SLC26A1: variants seen among roughly 807,000 people sequenced by gnomAD.
SLC26A1 encodes the protein solute carrier family 26 member 1.
SLC26A1 carries 18 observed loss-of-function variants against 14.5 expected under a neutral mutation model. The ratio of observed to expected loss-of-function variants is 1.24; its 90% CI spans 0.86 to 1.84. The LOEUF is 1.84. Ranked by LOEUF, SLC26A1 falls within the 40% of genes most tolerant of loss-of-function variation. The pLI is 0.00. For missense variants in SLC26A1, 1,049 were observed against 1,020.0 expected (o/e 1.03, Z -0.39); for synonymous variants, 505 against 492.0 (o/e 1.03, Z -0.35).
At chr4:987,482 ACCAGGAGTCT>A (rs1489209918), downstream of SLC26A1, among the ~76,000 whole-genome samples, 1 of 152,016 alleles carries the variant, frequency 6.6e-6, no homozygotes, top group African/African-American at 2.4e-5. Flanking sequence ...TTTGAGGTAA[ACCAGGAGTCT>A]CCCCTGGGAG....
rs143284684 is a variant in SLC26A1, at chr4:991,272, G to T, written c.432C>A (p.Ala144=). The T allele has an allele frequency of 6.2e-7, 1 of 1,612,672 alleles. No individual in the cohort carries two copies. The highest frequency in any genetic ancestry group is 1.7e-5 in the Admixed American group (1 of 60,016). ...GGCCGTCCTGGGAGGGGTCAAAGCC[G>T]GCCAGCTGGAGCTCCCGGTCCACCA... The part of the protein sequence containing the change: ...GQVVDRELQL[A]GFDPSQDGLQ... The change falls in exon 2 of 3, where the codon GCC becomes GCA. Residue 144 remains alanine (A), a synonymous_variant. Transcript: ENST00000398516.
rs750953620 is a variant in SLC26A1, at chr4:991,099, C to T, written c.576+29G>A. ...AACCTAAGGGGGGGTGCCCTGGGCC[C>T]CTCCCTGTGCCCAAGCAGGGCTCCT... On this transcript the variant is annotated intron_variant, in intron 2 of 2. Coordinates refer to ENST00000398516, the MANE Select transcript of SLC26A1 (RefSeq NM_022042.4). The T allele has an allele frequency of 1.7e-5, 26 of 1,516,336 alleles. No individual in the cohort carries two copies. The African/African-American group carries it at 3.3e-4, about 19-fold the overall frequency. The allele number at this position is 1,516,336 out of a possible 1,614,324, so 93.9% of individuals were successfully genotyped here.
chr4:982,125 C>A (rs560547301), intron 2 of SLC26A1, among the ~76,000 whole-genome samples: 1 of 152,298 alleles, frequency 6.6e-6, no homozygotes, highest in South Asian at 2.1e-4. Context: ...GGCCCAGTGC[C>A]GTCCACTCTT....
chr4:987,172 C>T (rs896790485), downstream of SLC26A1: 5 of 1,455,006 alleles, frequency 3.4e-6, no homozygotes, highest in Non-Finnish European at 4.5e-6. Flanking sequence ...CGAGGCCCCG[C>T]ACCTGGTGCA....
chr4:987,014 C>A, downstream of SLC26A1: 1 of 1,456,890 alleles, frequency 6.9e-7, no homozygotes. Flanking sequence ...GGGGTGCGCG[C>A]CCAGACTCCG....
chr4:990,478 G>A, intron 2 of SLC26A1, 116 bp from the exon 3 acceptor site: 3 of 1,047,494 alleles, frequency 2.9e-6, no homozygotes, highest in South Asian at 1.7e-5. Context: ...ACAATTCTGT[G>A]TTGCGGCCCC....
intron 2 of SLC26A1, among the ~76,000 whole-genome samples, chr4:980,415 C>T (rs774285910): frequency 1.3e-5 from 2 of 152,066 alleles, no homozygotes; most frequent in Non-Finnish European, 2.9e-5. Flanking sequence ...GTGAAACCCT[C>T]TCTCCACTAA....
chr4:981,132 A>G (rs1023424644), intron 2 of SLC26A1, among the ~76,000 whole-genome samples: 1 of 152,094 alleles, frequency 6.6e-6, no homozygotes, highest in Admixed American at 6.5e-5. Flanking sequence ...GCCGCAGTTC[A>G]CCGCCACCTC....
At chr4:981,095 C>G (rs1270791539) in intron 2 of SLC26A1, among the ~76,000 whole-genome samples, 1 of 152,208 alleles carries the variant, frequency 6.6e-6, no homozygotes. Context: ...CTCTGCTCCA[C>G]TCAGGGCCCG....
Position 988,813 on chromosome 4 carries a change from G to C in SLC26A1, c.*20C>G. The C allele has an allele frequency of 6.5e-7, 1 of 1,544,512 alleles. No individual in the cohort carries two copies. The highest frequency in any genetic ancestry group is 8.7e-7 in the Non-Finnish European group (1 of 1,145,416). ...GGGTCCCCAGGAGGGAGCAGAGGCT[G>C]CTGGGCAGGCCTGGCCCTGCTACAG... On this transcript the variant is annotated 3_prime_UTR_variant, in exon 3 of 3. Coordinates refer to ENST00000398516, the MANE Select transcript of SLC26A1 (RefSeq NM_022042.4).
chr4:985,939 A>C (rs887228415), downstream of SLC26A1, among the ~76,000 whole-genome samples: 1 of 151,812 alleles, frequency 6.6e-6, no homozygotes, highest in Non-Finnish European at 1.5e-5. Context: ...CTTTTTTTAG[A>C]GATGGGGTCT....
At chr4:979,007 A>AT (rs1331963136), downstream of SLC26A1, 6 of 157,394 alleles carry the variant, frequency 3.8e-5, no homozygotes, top group Admixed American at 1.9e-4. Context: ...AAATACCGAG[A>AT]TTTTTTATTC....
rs757152375 is a variant in SLC26A1, at chr4:989,441, T to A, written c.1498A>T (p.Ser500Cys). The A allele has an allele frequency of 3.9e-6, 6 of 1,554,142 alleles. No homozygotes were observed. The African/African-American group carries it at 6.8e-5, about 18-fold the overall frequency. ...LLAGVILSLL[S>C]LAGRTQRPRT... ...GGGCGTTGGGTGCGGCCGGCCAGGC[T>A]GAGCAGCGAGAGGATGACGCCAGCC... The change falls in exon 3 of 3, where the codon AGC becomes TGC. Residue 500 changes from serine (S) to cysteine (C), a missense_variant. Ser to Cys is a moderately radical substitution (Grantham distance 112). Coordinates refer to ENST00000398516, the MANE Select transcript of SLC26A1 (RefSeq NM_022042.4).
At chr4:982,252 C>G (rs181629716) in intron 2 of SLC26A1, among the ~76,000 whole-genome samples, 10 of 152,314 alleles carry the variant, frequency 6.6e-5, no homozygotes, top group African/African-American at 2.4e-4. Flanking sequence ...GACCAGCACC[C>G]CACAAGCTCA....
downstream of SLC26A1, chr4:987,641 A>T (rs1322967021): frequency 6.9e-7 from 1 of 1,450,868 alleles, no homozygotes; most frequent in African/African-American, 1.4e-5. Context: ...CCCCATGAAG[A>T]TGGGACCTCC....
rs993885725 is a variant in SLC26A1, at chr4:988,068, G to C, written c.*765C>G. On this transcript the variant is annotated 3_prime_UTR_variant, in exon 3 of 3. Coordinates refer to ENST00000398516, the MANE Select transcript of SLC26A1 (RefSeq NM_022042.4). The stretch of plus-strand genomic sequence containing the variant: ...CCCCCACCTCCCGCCGAAGCACCCT[G>C]TTGGGGAGAGCGTGTCCTTGCTGGC... 6.8e-7 allele frequency: 1 copy of C among 1,465,234 alleles called. No individual in the cohort carries two copies. The highest frequency in any genetic ancestry group is 2.5e-5 in the East Asian group (1 of 40,056). The allele number at this position is 1,465,234 out of a possible 1,614,324, so 90.8% of individuals were successfully genotyped here.
chr4:981,223 A>T (rs1393760534), intron 2 of SLC26A1, among the ~76,000 whole-genome samples: 1 of 152,242 alleles, frequency 6.6e-6, no homozygotes, highest in Non-Finnish European at 1.5e-5. Context: ...GCCCACGTGC[A>T]TGGAGAGCAC....
rs1713846632 is a variant in SLC26A1 at position 987,720 on chromosome 4, C to T, written c.*1113G>A. 2 of 1,583,428 alleles carry T rather than the reference C, an allele frequency of 1.3e-6. No homozygotes were observed. The highest frequency in any genetic ancestry group is 2.3e-5 in the East Asian group (1 of 43,562). ...CACGGGCAGCGCCTGGATCCTGCGC[C>T]CGGGCAGTCCTGGGCTTGAACGTGT... is the stretch of plus-strand genomic sequence containing the variant. On this transcript the variant is annotated 3_prime_UTR_variant, in exon 3 of 3. Coordinates refer to ENST00000398516, the MANE Select transcript of SLC26A1 (RefSeq NM_022042.4).
rs776919627 is a variant in SLC26A1 at position 990,091 on chromosome 4, C to T, written c.848G>A (p.Arg283His). The T allele has an allele frequency of 2.6e-5, 41 of 1,596,798 alleles. No individual in the cohort carries two copies. The highest frequency in any genetic ancestry group is 5.4e-5 in the African/African-American group (4 of 74,678). Residue 283 changes from arginine to histidine, a missense_variant, in exon 3 of 3, where the codon CGC (arginine) becomes CAC (histidine). Physicochemically the swap from Arg to His is conservative, Grantham distance 29. Transcript: ENST00000398516. ...VLLAAKELSD[R>H]YRHRLRVPLP... ...CGGCACCCTCAGGCGGTGTCGGTAG[C>T]GGTCTGAGAGCTCCTTCGCGGCTAG... is the stretch of plus-strand genomic sequence containing the variant.
Sources: allele counts gnomAD v4.1 joint callset (sites outside exome capture counted in the v4.1 genomes callset), GRCh38; gene constraint gnomAD v4.1.1; transcripts MANE v1.5; gene names NCBI Gene and HGNC (gene_info 2026-07-23, HGNC 2026-07-21).